The following MAP3K15 variants were observed in gnomAD, a reference collection of about 807,000 sequenced individuals.
The protein encoded by MAP3K15 is mitogen-activated protein kinase kinase kinase 15, also known as MAPK/ERK kinase kinase 15.
MAP3K15 carries 124 observed loss-of-function variants against 99.5 expected under a neutral mutation model. The observed-to-expected ratio is 1.25, with a 90% CI of 1.08 to 1.45. The LOEUF (loss-of-function observed/expected upper bound fraction) is 1.45. MAP3K15 is among the 40% of genes most tolerant of loss of function. MAP3K15 has a pLI of 0.00. For missense variants in MAP3K15, 1,242 were observed against 1,079.7 expected, an observed-to-expected ratio of 1.15 and a Z score of -2.11; for synonymous variants, 494 against 439.6, an observed-to-expected ratio of 1.12 and a Z score of -1.55.
intron 19 of MAP3K15, among the ~76,000 whole-genome samples, chrX:19,375,998 G>A (rs753341029): frequency 2.7e-5 from 3 of 112,086 alleles, no homozygotes; most frequent in Non-Finnish European, 5.6e-5. Context: ...AGGCACTAGG[G>A]GTACAAAGAC....
In MAP3K15 at chrX:19,406,395, G is replaced by A. The variant is rs984778461; in HGVS notation, c.1844+793C>T. 5.3e-5 allele frequency among the ~76,000 whole-genome samples: 6 copies of A among 112,460 alleles called. No homozygotes were observed. In the South Asian group the frequency reaches 2.2e-3, roughly 41 times the overall value. On this transcript the variant is annotated intron_variant, in intron 13 of 28. Transcript: ENST00000338883. ...AAAGAATATCATTCAGCCACAAAAA[G>A]AAATGAAGTACTGATACGTGTTACA...
intron 1 of MAP3K15, among the ~76,000 whole-genome samples, chrX:19,506,582 G>A (rs1458555438): frequency 1.8e-5 from 2 of 110,429 alleles, no homozygotes; most frequent in East Asian, 2.8e-4. Context: ...GTGCAGTAGC[G>A]CGATCTTGGC....
At chrX:19,461,815 A>AC (rs753255169) in intron 4 of MAP3K15, among the ~76,000 whole-genome samples, 1 of 110,371 alleles carries the variant, frequency 9.1e-6, no homozygotes, top group Non-Finnish European at 1.9e-5. Context: ...ACGTGGTGAA[A>AC]CCCCGTCTCT....
intron 3 of MAP3K15, among the ~76,000 whole-genome samples, chrX:19,484,973 T>C (rs1444274887): frequency 9.0e-6 from 1 of 111,062 alleles, no homozygotes; most frequent in Non-Finnish European, 1.9e-5. Flanking sequence ...TCAGGCCCAA[T>C]CTCCTTCGAC....
In MAP3K15 at chrX:19,449,988, T is replaced by C. The variant is rs1288486290; in HGVS notation, c.995+6925A>G. On this transcript the variant is annotated intron_variant, in intron 6 of 28. Transcript: ENST00000338883. The stretch of plus-strand genomic sequence containing the variant: ...AGCTACACAGTAATAGTAAGAGCAA[T>C]AGCCAAGCACCTGCTTCGTGCCAGG... Among the ~76,000 whole-genome samples the C allele has an allele frequency of 2.7e-5, 3 of 109,267 alleles. 1 individual carries two copies. Among genetic ancestry groups the C allele is most frequent in the Non-Finnish European group, 5.8e-5 (3 of 51,732 alleles). 94.9% of individuals were successfully genotyped at this position (109,267 alleles called of 115,157 possible).
At position 19,464,313 on chromosome X, in the gene MAP3K15, C is replaced by T. The variant is rs1203670528; in HGVS notation, c.619G>A (p.Glu207Lys). Residue 207 changes from glutamate (E) to lysine (K), a missense_variant, in exon 4 of 29, where the codon GAG becomes AAG. Glu to Lys is a moderately conservative substitution (Grantham distance 56). Coordinates refer to ENST00000338883, the MANE Select transcript of MAP3K15 (RefSeq NM_001001671.4). ...TTGTCCCAGTTGGGCTGCATGTACTCGGAGGCTCGTCTCTGGGCATCACTC... is the reference window on the plus strand; with the variant it reads ...TTGTCCCAGTTGGGCTGCATGTACTTGGAGGCTCGTCTCTGGGCATCACTC... ...CESDAQRRAS[E>K]YMQPNWDNIL... 5.8e-6 allele frequency: 7 copies of T among 1,199,237 alleles called. No homozygotes were observed. In the Admixed American group the frequency reaches 8.7e-5, roughly 15 times the overall value.
At chrX:19,491,186 T>C (rs2064366547) in intron 1 of MAP3K15, among the ~76,000 whole-genome samples, 1 of 111,621 alleles carries the variant, frequency 9.0e-6, no homozygotes, top group Non-Finnish European at 1.9e-5. Context: ...TATTCTCTTA[T>C]TTATGGATTG....
At chrX:19,444,249 T>C (rs1424573665) in intron 6 of MAP3K15, among the ~76,000 whole-genome samples, 1 of 111,791 alleles carries the variant, frequency 8.9e-6, no homozygotes, top group Admixed American at 9.5e-5. Flanking sequence ...AGAGTAAGCG[T>C]CTAGGTCATT....
intron 6 of MAP3K15, among the ~76,000 whole-genome samples, chrX:19,444,881 T>C (rs1363861607): frequency 9.0e-6 from 1 of 111,104 alleles, no homozygotes; most frequent in Non-Finnish European, 1.9e-5. Context: ...CCTGTAGGCT[T>C]GATGGGTCCC....
At chrX:19,422,348 A>G (rs942321817) in intron 9 of MAP3K15, among the ~76,000 whole-genome samples, 1 of 111,920 alleles carries the variant, frequency 8.9e-6, no homozygotes, top group Non-Finnish European at 1.9e-5. Flanking sequence ...AAAACAAACA[A>G]TCCCATCAAA....
intron 6 of MAP3K15, among the ~76,000 whole-genome samples, chrX:19,439,318 T>C (rs1436663213): frequency 2.7e-5 from 3 of 112,132 alleles, no homozygotes; most frequent in Admixed American, 1.9e-4. Flanking sequence ...GTTTTCTTTA[T>C]AAATCACCCA....
intron 3 of MAP3K15, among the ~76,000 whole-genome samples, chrX:19,469,619 C>T (rs1400471712): frequency 9.0e-6 from 1 of 110,750 alleles, no homozygotes; most frequent in East Asian, 2.8e-4. Flanking sequence ...AGGCAACCTA[C>T]AGAATGGGAG....
chrX:19,457,038 A>G lies in MAP3K15; in HGVS notation c.889-19T>C. On this transcript the variant is annotated intron_variant, in intron 5 of 28. Coordinates refer to ENST00000338883, the MANE Select transcript of MAP3K15 (RefSeq NM_001001671.4). ...CATAGTCCTGTTGGCAAGAGGTCCC[A>G]AAGTGAGCAAGAGAGGAAACACAGC... 5.5e-6 allele frequency: 6 copies of G among 1,094,814 alleles called. 1 individual carries two copies. In the South Asian group the frequency reaches 9.4e-5, roughly 17 times the overall value. 90.2% of individuals were successfully genotyped at this position (1,094,814 alleles called of 1,213,427 possible).
rs1368795729 is a variant in MAP3K15 at position 19,425,708 on chromosome X, T to C, written c.1280-18A>G. ...CCGGACACCTTAAGAATTTGAATTT[T>C]TGATAGTCAGAATAATCTTTTTTAG... is the stretch of plus-strand genomic sequence containing the variant. On this transcript the variant is annotated intron_variant, in intron 8 of 28. Transcript: ENST00000338883. 8.5e-7 allele frequency: 1 copy of C among 1,174,570 alleles called. No individual in the cohort carries two copies. The highest frequency in any genetic ancestry group is 3.0e-5 in the East Asian group (1 of 33,560).
In MAP3K15 at chrX:19,438,414, T is replaced by TA. The variant is rs2063937253; in HGVS notation, c.996-6807dup. 1.8e-5 allele frequency among the ~76,000 whole-genome samples: 2 copies of TA among 112,041 alleles called. 1 individual carries two copies. The highest frequency in any genetic ancestry group is 7.3e-4 in the South Asian group (2 of 2,722). On this transcript the variant is annotated intron_variant, in intron 6 of 28. Transcript: ENST00000338883. ...TGAGCCAACACATCTATTACTTATGTAAAAAATGCACAGAATAAAAACACA... is the reference window on the plus strand; with the variant it reads ...TGAGCCAACACATCTATTACTTATGTAAAAAAATGCACAGAATAAAAACACA...
chrX:19,495,837 A>G (rs768146531), intron 1 of MAP3K15, among the ~76,000 whole-genome samples: 1 of 111,359 alleles, frequency 9.0e-6, no homozygotes, highest in Non-Finnish European at 1.9e-5. Context: ...AATGCTATCA[A>G]TATTGTTACT....
intron 1 of MAP3K15, among the ~76,000 whole-genome samples, chrX:19,498,973 C>G (rs2064424332): frequency 8.9e-6 from 1 of 112,081 alleles, no homozygotes; most frequent in African/African-American, 3.2e-5. Context: ...TCATCAAAAG[C>G]CACCATTATG....
chrX:19,508,131 G>A (rs2047967343), intron 1 of MAP3K15, among the ~76,000 whole-genome samples: 2 of 111,278 alleles, frequency 1.8e-5, no homozygotes, highest in South Asian at 7.6e-4. Context: ...GCCTCCCAAA[G>A]TGCTGGGATC....
At chrX:19,431,317 C>A (rs1876976465) in intron 7 of MAP3K15, 121 bp downstream of exon 7, 2 of 648,978 alleles carry the variant, frequency 3.1e-6, no homozygotes, top group Admixed American at 7.9e-5. Context: ...ACATTTACTA[C>A]AAATGTTTGC....
Sources: gnomAD v4.1 joint callset for allele counts (sites outside exome capture counted in the v4.1 genomes callset) on GRCh38, gnomAD v4.1.1 for gene constraint, MANE v1.5 for transcripts, NCBI Gene and HGNC (gene_info 2026-07-23, HGNC 2026-07-21) for gene names.